Variants in SIAH1 observed in about 807,000 individuals in gnomAD.
SIAH1 encodes the protein E3 ubiquitin-protein ligase SIAH1.
Under a neutral mutation model 20.0 loss-of-function variants are expected in SIAH1, and 2 were observed. That is an observed-to-expected ratio of 0.10 (90% CI 0.04 to 0.31). The LOEUF is 0.31. Ranked by LOEUF, SIAH1 falls within the 10% of genes least tolerant of loss-of-function variation. The pLI, the probability that SIAH1 is intolerant of heterozygous loss-of-function variation, is 1.00. For missense variants in SIAH1, 119 were observed against 355.3 expected (o/e 0.33, Z 5.35); for synonymous variants, 118 against 125.3 (o/e 0.94, Z 0.39).
At chr16:48,372,096 G>C (rs1017645881) in intron 1 of SIAH1, among the ~76,000 whole-genome samples, 2 of 152,016 alleles carry the variant, frequency 1.3e-5, no homozygotes, top group African/African-American at 4.8e-5. Context: ...GCATAAAAGA[G>C]CATATTGCTA....
intron 1 of SIAH1, chr16:48,365,859 G>A: frequency 3.2e-6 from 4 of 1,250,582 alleles, no homozygotes; most frequent in Non-Finnish European, 4.0e-6. Context: ...AAGGAAGTGC[G>A]CTCCCTGAGC....
rs1349457288 is a variant in SIAH1 at position 48,365,295 on chromosome 16, T to C, written c.-2-2865A>G. ...GAGAACCTCGGAAACGTCTCGATTC[T>C]GCTGCAGCCATTCCCTAAGCCAGGC... On this transcript the variant is annotated intron_variant, in intron 1 of 1. Transcript: ENST00000394725. The C allele has an allele frequency of 3.0e-6, 4 of 1,332,810 alleles. No homozygotes were observed. The African/African-American group carries it at 4.3e-5, about 14-fold the overall frequency. 82.6% of individuals were successfully genotyped at this position (1,332,810 alleles called of 1,614,324 possible). A position where few individuals can be genotyped will look rare whatever the true frequency, so the allele number is the denominator to read the frequency against.
intron 1 of SIAH1, among the ~76,000 whole-genome samples, chr16:48,364,331 T>C (rs1014778493): frequency 6.6e-6 from 1 of 152,332 alleles, no homozygotes; most frequent in Non-Finnish European, 1.5e-5. Context: ...GAAGCAATGT[T>C]GGTTACCAAT....
chr16:48,378,455 G>A (rs1006539392), intron 1 of SIAH1, among the ~76,000 whole-genome samples: 1 of 152,320 alleles, frequency 6.6e-6, no homozygotes, highest in African/African-American at 2.4e-5. Context: ...GGTGTAAAAA[G>A]TCAAGAGGTG....
chr16:48,377,610 G>A (rs970897619), intron 1 of SIAH1, among the ~76,000 whole-genome samples: 10 of 151,974 alleles, frequency 6.6e-5, no homozygotes, highest in African/African-American at 2.4e-4. Context: ...GGCCAGGCTA[G>A]TCTTGAACTC....
At chr16:48,368,465 G>A (rs1034346752) in intron 1 of SIAH1, among the ~76,000 whole-genome samples, 2 of 152,372 alleles carry the variant, frequency 1.3e-5, no homozygotes, top group East Asian at 3.9e-4. Flanking sequence ...GGAGGCCAAG[G>A]CAGGTGGATC....
At chr16:48,365,626 G>T (rs548654266) in intron 1 of SIAH1, 2 of 1,438,888 alleles carry the variant, frequency 1.4e-6, no homozygotes, top group African/African-American at 2.9e-5. Context: ...ACCAGTTACA[G>T]AGGTGGAGAA....
intron 1 of SIAH1, among the ~76,000 whole-genome samples, chr16:48,381,701 A>T (rs1157895347): frequency 6.6e-6 from 1 of 152,186 alleles, no homozygotes; most frequent in African/African-American, 2.4e-5. Context: ...CATTCTGGAA[A>T]AGGCAAAACT....
Position 48,361,407 on chromosome 16 carries a change from TTAGTGTTAC to T in SIAH1, c.*164_*172del, listed in dbSNP as rs1960588368. The T allele has an allele frequency of 1.6e-6, 1 of 610,266 alleles. No individual in the cohort carries two copies. The highest frequency in any genetic ancestry group is 3.0e-5 in the Admixed American group (1 of 33,180). The allele number at this position is 610,266 out of a possible 1,614,324, so 37.8% of individuals were successfully genotyped here. On this transcript the variant is annotated 3_prime_UTR_variant, in exon 2 of 2. Coordinates refer to ENST00000394725, the MANE Select transcript of SIAH1 (RefSeq NM_003031.4). ...TACTGTTGACTTATTTTTAAATATATTAGTGTTACTACATGCAACTGTTTCCTGTATTTA... is the reference window on the plus strand; with the variant it reads ...TACTGTTGACTTATTTTTAAATATATTACATGCAACTGTTTCCTGTATTTA...
chr16:48,382,744 CA>C (rs1193172682), intron 1 of SIAH1, among the ~76,000 whole-genome samples: 1 of 152,092 alleles, frequency 6.6e-6, no homozygotes, highest in Non-Finnish European at 1.5e-5. Flanking sequence ...GGAAATTCCA[CA>C]AAATTCTGTT....
chr16:48,361,445 G>A lies in SIAH1; in HGVS notation c.*135C>T. ...ATGCAACTGTTTCCTGTATTTAACA[G>A]CCTTTCTTTTTATTTACCTTCATGT... On this transcript the variant is annotated 3_prime_UTR_variant, in exon 2 of 2. Coordinates refer to ENST00000394725, the MANE Select transcript of SIAH1 (RefSeq NM_003031.4). The A allele has an allele frequency of 1.3e-6, 1 of 786,124 alleles. No individual in the cohort carries two copies. Among genetic ancestry groups the A allele is most frequent in the Admixed American group, 2.4e-5 (1 of 40,900 alleles). 48.7% of individuals were successfully genotyped at this position (786,124 alleles called of 1,614,324 possible).
chr16:48,381,688 T>C (rs113783905), intron 1 of SIAH1, among the ~76,000 whole-genome samples: 55 of 152,310 alleles, frequency 3.6e-4, no homozygotes, highest in African/African-American at 9.1e-4. Context: ...GTTACACATA[T>C]GACATTCTGG....
rs1239679874 is a variant in SIAH1, at chr16:48,382,298, G to A, written c.-3+2906C>T. ...GCCACTTATGAGGCTAAGGTGGGGG[G>A]AACCTTTGAGCCCAGTTGGAGGCCA... is the stretch of plus-strand genomic sequence containing the variant. On this transcript the variant is annotated intron_variant, in intron 1 of 1. Transcript: ENST00000394725. 2.6e-5 allele frequency among the ~76,000 whole-genome samples: 4 copies of A among 151,854 alleles called. No individual in the cohort carries two copies. In the East Asian group the frequency reaches 7.7e-4, roughly 29 times the overall value.
chr16:48,365,071 G>T, intron 1 of SIAH1: 1 of 271,274 alleles, frequency 3.7e-6, no homozygotes, highest in Non-Finnish European at 7.1e-6. Context: ...CTTGGGAACG[G>T]AGGTATTACA....
At chr16:48,365,877 A>G in intron 1 of SIAH1, 3 of 1,242,288 alleles carry the variant, frequency 2.4e-6, no homozygotes, top group Non-Finnish European at 3.0e-6. Context: ...AGCCAGCTCA[A>G]GAGTTACTGC....
Position 48,361,299 on chromosome 16 carries a change from C to T in SIAH1, c.*281G>A, listed in dbSNP as rs573734399. 8.2e-5 allele frequency: 28 copies of T among 340,434 alleles called. No individual in the cohort carries two copies. Among genetic ancestry groups the T allele is most frequent in the Non-Finnish European group, 1.5e-4 (28 of 181,820 alleles). 21.1% of individuals were successfully genotyped at this position (340,434 alleles called of 1,614,324 possible). Reference sequence around the variant, plus strand: ...CAATCAATCTACAACAAACACAAAACTCAGAATTATTTTACAATGCTTCCT... The same window carrying T: ...CAATCAATCTACAACAAACACAAAATTCAGAATTATTTTACAATGCTTCCT... On this transcript the variant is annotated 3_prime_UTR_variant, in exon 2 of 2. Transcript: ENST00000394725.
intron 1 of SIAH1, among the ~76,000 whole-genome samples, chr16:48,370,814 A>AAAG (rs974569257): frequency 5.3e-5 from 8 of 151,528 alleles, no homozygotes; most frequent in African/African-American, 1.9e-4. Context: ...TCAAAAAAAA[A>AAAG]AAAAACAAAT....
intron 1 of SIAH1, among the ~76,000 whole-genome samples, chr16:48,376,243 G>T (rs1476756511): frequency 6.6e-6 from 1 of 151,956 alleles, no homozygotes; most frequent in Non-Finnish European, 1.5e-5. Flanking sequence ...AAAATTATTG[G>T]CAACAAAAAA....
intron 1 of SIAH1, among the ~76,000 whole-genome samples, chr16:48,366,074 G>A (rs1249638623): frequency 3.9e-5 from 6 of 152,110 alleles, no homozygotes; most frequent in African/African-American, 1.4e-4. Context: ...AAGGCCGGGG[G>A]CGTGGGGGAG....
Sources: gnomAD v4.1 joint callset for allele counts (sites outside exome capture counted in the v4.1 genomes callset) on GRCh38, gnomAD v4.1.1 for gene constraint, MANE v1.5 for transcripts, NCBI Gene and HGNC (gene_info 2026-07-23, HGNC 2026-07-21) for gene names.